Variants in PLCB4 observed in about 807,000 individuals in gnomAD.
PLCB4 encodes the protein 1-phosphatidylinositol 4,5-bisphosphate phosphodiesterase beta-4.
A neutral mutation model predicts 178.8 loss-of-function variants in PLCB4; 77 were observed. That is an observed-to-expected ratio of 0.43 (90% CI 0.36 to 0.52). The LOEUF (loss-of-function observed/expected upper bound fraction) is 0.52, where lower values mean the gene tolerates loss of function less well. Among genes scored for constraint, PLCB4 ranks in the 20% least tolerant of loss-of-function variants. The probability of loss-of-function intolerance (pLI) is 0.00; values close to 1 mark genes in which losing one functional copy is unlikely to be tolerated. For missense variants in PLCB4, 1,024 were observed against 1,453.4 expected (o/e 0.70, Z 4.80); for synonymous variants, 496 against 490.8 (o/e 1.01, Z -0.14).
At chr20:9,393,741 T>A in intron 18 of PLCB4, 63 bp downstream of exon 18, 1 of 1,101,910 alleles carries the variant, frequency 9.1e-7, no homozygotes, top group African/African-American at 1.5e-5. Context: ...TTTCAGCTGT[T>A]GAGAATTCAA....
intron 25 of PLCB4, among the ~76,000 whole-genome samples, chr20:9,412,827 G>A (rs1199234571): frequency 1.3e-5 from 2 of 152,188 alleles, no homozygotes; most frequent in South Asian, 2.1e-4. Context: ...CTCCATGTAC[G>A]CTTGTTGGGG....
chr20:9,227,976 G>A (rs1250504626), intron 3 of PLCB4, among the ~76,000 whole-genome samples: 2 of 152,020 alleles, frequency 1.3e-5, no homozygotes, highest in African/African-American at 4.8e-5. Context: ...ACAATCCAAG[G>A]GCTTCTTTTG....
At chr20:9,231,687 A>T (rs1352715948) in intron 3 of PLCB4, among the ~76,000 whole-genome samples, 1 of 152,172 alleles carries the variant, frequency 6.6e-6, no homozygotes, top group Admixed American at 6.5e-5. Context: ...AAAGTTTTAT[A>T]TTTGGAAAGC....
intron 3 of PLCB4, among the ~76,000 whole-genome samples, chr20:9,255,597 A>G (rs1458018968): frequency 1.3e-5 from 2 of 151,100 alleles, no homozygotes; most frequent in Non-Finnish European, 2.9e-5. Context: ...ATGGTAATAT[A>G]TAATCTTTAT....
intron 25 of PLCB4, among the ~76,000 whole-genome samples, chr20:9,416,608 C>T (rs969316979): frequency 6.6e-6 from 1 of 152,164 alleles, no homozygotes; most frequent in Non-Finnish European, 1.5e-5. Flanking sequence ...TGATTCTTTA[C>T]CTTTTGCTGT....
At position 9,453,125 on chromosome 20, in the gene PLCB4, A is replaced by T. The variant is rs112690042; in HGVS notation, c.2881-222A>T. ...GAGCAGGAGTGCATTTGAACTGGGC[A>T]TGTTCACTAGACTGAGGCTAGAGAC... is the stretch of plus-strand genomic sequence containing the variant. On this transcript the variant is annotated intron_variant, in intron 32 of 39. Transcript: ENST00000378473. Among the ~76,000 whole-genome samples the T allele has an allele frequency of 7.3e-3, 1,117 of 152,318 alleles. 15 individuals are homozygous for T. Among genetic ancestry groups the T allele is most frequent in the African/African-American group, 0.025 (1,023 of 41,576 alleles).
intron 3 of PLCB4, among the ~76,000 whole-genome samples, chr20:9,233,371 C>A (rs1191220289): frequency 6.6e-6 from 1 of 151,892 alleles, no homozygotes; most frequent in Non-Finnish European, 1.5e-5. Flanking sequence ...TGGAAGAGAG[C>A]AATGTACAAA....
At chr20:9,332,913 C>T (rs771607928) in intron 4 of PLCB4, among the ~76,000 whole-genome samples, 1 of 152,126 alleles carries the variant, frequency 6.6e-6, no homozygotes, top group Non-Finnish European at 1.5e-5. Context: ...ATAGGAATTC[C>T]CAGGACGTGC....
intron 4 of PLCB4, among the ~76,000 whole-genome samples, chr20:9,335,074 TG>T (rs1324943485): frequency 6.6e-6 from 1 of 152,158 alleles, no homozygotes; most frequent in Non-Finnish European, 1.5e-5. Context: ...GCTGATTCTT[TG>T]TGGATCTACT....
chr20:9,203,040 T>TAAAAA (rs58109957), intron 2 of PLCB4, among the ~76,000 whole-genome samples: 45 of 111,506 alleles, frequency 4.0e-4, no homozygotes, highest in African/African-American at 1.6e-3. Flanking sequence ...TTGTCTTTGG[T>TAAAAA]AAAAAAAAAA....
intron 32 of PLCB4, among the ~76,000 whole-genome samples, chr20:9,449,507 T>C (rs897441937): frequency 3.9e-5 from 6 of 152,184 alleles, no homozygotes; most frequent in Non-Finnish European, 7.3e-5. Flanking sequence ...TCGTGTCCTC[T>C]TAAAGGAGAG....
At chr20:9,323,747 A>G (rs1415192490) in intron 4 of PLCB4, among the ~76,000 whole-genome samples, 3 of 152,110 alleles carry the variant, frequency 2.0e-5, no homozygotes, top group Admixed American at 1.3e-4. Context: ...AGCACCCTCA[A>G]AATGTCCCTG....
At chr20:9,199,852 CATGCTCTCCACTGCATTA>C (rs936370706) in intron 2 of PLCB4, among the ~76,000 whole-genome samples, 3 of 148,902 alleles carry the variant, frequency 2.0e-5, no homozygotes, top group Non-Finnish European at 3.0e-5. Flanking sequence ...GCATGTTGTT[CATGCTCTCCACTGCATTA>C]ATCTTCATCT....
chr20:9,429,606 G>A (rs1360283327), intron 28 of PLCB4, among the ~76,000 whole-genome samples: 1 of 152,222 alleles, frequency 6.6e-6, no homozygotes, highest in Non-Finnish European at 1.5e-5. Flanking sequence ...AAGTAGGTAA[G>A]TATGAGATAT....
Position 9,423,045 on chromosome 20 carries a change from C to G in PLCB4, c.2320-703C>G, listed in dbSNP as rs1032550767. On this transcript the variant is annotated intron_variant, in intron 27 of 39. Coordinates refer to ENST00000378473, the MANE Select transcript of PLCB4 (RefSeq NM_001377142.1). ...TAATGTTGCTATTTTGTAACTGAATCAGGTTTCTGCTATCTGAACTCAGAT... is the reference window on the plus strand; with the variant it reads ...TAATGTTGCTATTTTGTAACTGAATGAGGTTTCTGCTATCTGAACTCAGAT... Among the ~76,000 whole-genome samples, 3 of 152,192 alleles carry G rather than the reference C, an allele frequency of 2.0e-5. No homozygotes were observed. The East Asian group carries it at 5.8e-4, about 29-fold the overall frequency.
At chr20:9,452,416 A>C (rs1156961039) in intron 32 of PLCB4, among the ~76,000 whole-genome samples, 1 of 152,178 alleles carries the variant, frequency 6.6e-6, no homozygotes, top group Non-Finnish European at 1.5e-5. Context: ...CAACATGTAC[A>C]CCCATTCCAG....
chr20:9,281,099 A>G (rs1013811113), intron 3 of PLCB4, among the ~76,000 whole-genome samples: 2 of 151,964 alleles, frequency 1.3e-5, no homozygotes, highest in Non-Finnish European at 2.9e-5. Context: ...TTTTTGAGAG[A>G]GAGCAGAATT....
intron 2 of PLCB4, among the ~76,000 whole-genome samples, chr20:9,166,880 A>G (rs2092982059): frequency 6.6e-6 from 1 of 152,042 alleles, no homozygotes; most frequent in Admixed American, 6.6e-5. Context: ...TGCTTAGAGA[A>G]CCCAAACTTC....
At chr20:9,192,067 C>T (rs1006022496) in intron 2 of PLCB4, among the ~76,000 whole-genome samples, 1 of 152,108 alleles carries the variant, frequency 6.6e-6, no homozygotes, top group Admixed American at 6.6e-5. Context: ...CATCTAAAAG[C>T]AGGTTCCCTA....
Sources: allele counts gnomAD v4.1 joint callset (sites outside exome capture counted in the v4.1 genomes callset), GRCh38; gene constraint gnomAD v4.1.1; transcripts MANE v1.5; gene names NCBI Gene and HGNC (gene_info 2026-07-23, HGNC 2026-07-21).